The following UNC5D variants were observed in gnomAD, a reference collection of about 807,000 sequenced individuals.
UNC5D encodes netrin receptor UNC5D.
UNC5D carries 39 observed loss-of-function variants against 105.4 expected under a neutral mutation model. That is an observed-to-expected ratio of 0.37 (90% CI 0.29 to 0.48). The LOEUF (loss-of-function observed/expected upper bound fraction) is 0.48. Among genes scored for constraint, UNC5D ranks in the 20% least tolerant of loss-of-function variants. The pLI is 0.98. For synonymous variants in UNC5D, 452 were observed against 450.4 expected (o/e 1.00, Z -0.04); for missense variants, 991 against 1,202.4 (o/e 0.82, Z 2.60).
chr8:35,665,165 T>C (rs1213145172), intron 4 of UNC5D, among the ~76,000 whole-genome samples: 4 of 152,212 alleles, frequency 2.6e-5, no homozygotes, highest in Non-Finnish European at 4.4e-5. Flanking sequence ...TCACTAGTTA[T>C]CAATGCTATT....
chr8:35,424,676 C>T (rs540153059), intron 1 of UNC5D, among the ~76,000 whole-genome samples: 21 of 152,258 alleles, frequency 1.4e-4, no homozygotes, highest in African/African-American at 5.1e-4. Flanking sequence ...CTGGAGGTGA[C>T]GCAGATTCAG....
At chr8:35,276,944 A>G (rs957753886) in intron 1 of UNC5D, among the ~76,000 whole-genome samples, 1 of 152,224 alleles carries the variant, frequency 6.6e-6, no homozygotes, top group African/African-American at 2.4e-5. Flanking sequence ...ACCCATTTGG[A>G]TTAAGTAAAC....
At chr8:35,441,847 TCTAATAAG>T (rs2128984285) in intron 1 of UNC5D, among the ~76,000 whole-genome samples, 1 of 151,752 alleles carries the variant, frequency 6.6e-6, no homozygotes, top group African/African-American at 2.4e-5. Context: ...CCATTATTCA[TCTAATAAG>T]AAGCGGGACA....
At chr8:35,582,974 T>C (rs1366858037) in intron 3 of UNC5D, among the ~76,000 whole-genome samples, 1 of 152,206 alleles carries the variant, frequency 6.6e-6, no homozygotes, top group African/African-American at 2.4e-5. Context: ...CTCAGCTGGA[T>C]GCTGAGCTGC....
chr8:35,487,452 C>T (rs563802634), intron 1 of UNC5D, among the ~76,000 whole-genome samples: 1 of 152,184 alleles, frequency 6.6e-6, no homozygotes, highest in African/African-American at 2.4e-5. Context: ...GAGTGAAGCT[C>T]TTCCCTGGAT....
At chr8:35,335,944 T>C (rs1373537014) in intron 1 of UNC5D, among the ~76,000 whole-genome samples, 1 of 151,894 alleles carries the variant, frequency 6.6e-6, no homozygotes, top group South Asian at 2.1e-4. Flanking sequence ...TTTGTATTTT[T>C]AGTAGAGACG....
intron 1 of UNC5D, among the ~76,000 whole-genome samples, chr8:35,275,046 G>A (rs1435044413): frequency 4.6e-5 from 7 of 151,522 alleles, no homozygotes; most frequent in Non-Finnish European, 7.4e-5. Flanking sequence ...AGCCAAGATC[G>A]CACCACTGCA....
intron 1 of UNC5D, among the ~76,000 whole-genome samples, chr8:35,324,907 G>A (rs561231046): frequency 6.6e-6 from 1 of 152,226 alleles, no homozygotes; most frequent in East Asian, 1.9e-4. Flanking sequence ...CATTGACATG[G>A]AAAAAGGCGT....
At chr8:35,452,500 G>A (rs1434868725) in intron 1 of UNC5D, among the ~76,000 whole-genome samples, 8 of 152,032 alleles carry the variant, frequency 5.3e-5, no homozygotes, top group African/African-American at 9.6e-5. Context: ...TCCTGACCTC[G>A]TCATCCACCC....
chr8:35,475,883 C>T (rs1810057044), intron 1 of UNC5D, among the ~76,000 whole-genome samples: 1 of 152,118 alleles, frequency 6.6e-6, no homozygotes, highest in Non-Finnish European at 1.5e-5. Flanking sequence ...TACTATGGAA[C>T]ATCTGTGAAT....
chr8:35,377,128 A>G (rs1802747179), intron 1 of UNC5D, among the ~76,000 whole-genome samples: 2 of 152,200 alleles, frequency 1.3e-5, no homozygotes, highest in African/African-American at 2.4e-5. Context: ...CATCCTCTGC[A>G]TAGTGCCTTG....
At chr8:35,772,921 C>T (rs1215580569) in intron 15 of UNC5D, among the ~76,000 whole-genome samples, 2 of 151,926 alleles carry the variant, frequency 1.3e-5, no homozygotes, top group East Asian at 1.9e-4. Flanking sequence ...AAGCCACCCT[C>T]AGGTCCCAGA....
intron 16 of UNC5D, among the ~76,000 whole-genome samples, chr8:35,784,331 A>G (rs1412813910): frequency 6.6e-6 from 1 of 152,104 alleles, no homozygotes; most frequent in Non-Finnish European, 1.5e-5. Context: ...TTGTCCCTGT[A>G]TTTTACAGTT....
chr8:35,471,962 T>A lies in UNC5D; in HGVS notation c.104-77330T>A, dbSNP rs1288454116. On this transcript the variant is annotated intron_variant, in intron 1 of 16. Transcript: ENST00000404895. Reference sequence around the variant, plus strand: ...AAAATAAGCAGATATCTCAGTGTTTTCTTTGTGAATCAGTACTAGACAGGT... The same window carrying A: ...AAAATAAGCAGATATCTCAGTGTTTACTTTGTGAATCAGTACTAGACAGGT... Among the ~76,000 whole-genome samples the A allele has an allele frequency of 3.5e-3, 538 of 152,344 alleles. 4 individuals carry two copies. Among genetic ancestry groups the A allele is most frequent in the African/African-American group, 0.012 (513 of 41,578 alleles).
At chr8:35,543,703 T>C (rs1488906650) in intron 1 of UNC5D, among the ~76,000 whole-genome samples, 1 of 152,202 alleles carries the variant, frequency 6.6e-6, no homozygotes, top group African/African-American at 2.4e-5. Flanking sequence ...CAGTTAAATA[T>C]AGTTGGTAGA....
intron 4 of UNC5D, among the ~76,000 whole-genome samples, chr8:35,642,489 G>T (rs1182041284): frequency 6.6e-6 from 1 of 150,500 alleles, no homozygotes; most frequent in Non-Finnish European, 1.5e-5. Context: ...TCTGAACCCT[G>T]AGACAAACCA....
intron 1 of UNC5D, among the ~76,000 whole-genome samples, chr8:35,444,952 T>G (rs1807674469): frequency 6.6e-6 from 1 of 152,208 alleles, no homozygotes; most frequent in South Asian, 2.1e-4. Flanking sequence ...TTCTTCTGTT[T>G]ACTTTCAAAG....
chr8:35,271,576 G>GCATA (rs1805341450), intron 1 of UNC5D, among the ~76,000 whole-genome samples: 1 of 142,146 alleles, frequency 7.0e-6, no homozygotes, highest in Non-Finnish European at 1.5e-5. Context: ...ATTTATACAG[G>GCATA]CATACATATA....
At chr8:35,709,449 G>A (rs1827800322) in intron 8 of UNC5D, among the ~76,000 whole-genome samples, 1 of 152,098 alleles carries the variant, frequency 6.6e-6, no homozygotes, top group Non-Finnish European at 1.5e-5. Flanking sequence ...CAGCATTTGG[G>A]GAGGCCTAGA....
Sources: allele counts gnomAD v4.1 joint callset (sites outside exome capture counted in the v4.1 genomes callset), GRCh38; gene constraint gnomAD v4.1.1; transcripts MANE v1.5; gene names NCBI Gene and HGNC (gene_info 2026-07-23, HGNC 2026-07-21).